ARMH3: variants seen among roughly 807,000 people sequenced by gnomAD.
The protein encoded by ARMH3 is armadillo like helical domain containing 3, also known as armadillo-like helical domain-containing protein 3.
Under a neutral mutation model 99.1 loss-of-function variants are expected in ARMH3, and 60 were observed. That is an observed-to-expected ratio of 0.61 (90% CI 0.49 to 0.75). The LOEUF is 0.75. ARMH3 is among the 30% of genes least tolerant of loss of function. The probability of loss-of-function intolerance (pLI) is 0.00; values close to 1 mark genes in which losing one functional copy is unlikely to be tolerated. For synonymous variants in ARMH3, 285 were observed against 292.8 expected, an observed-to-expected ratio of 0.97 and a Z score of 0.27; for missense variants, 679 against 843.1, an observed-to-expected ratio of 0.81 and a Z score of 2.41.
At chr10:101,879,220 G>T (rs1026138491) in intron 24 of ARMH3, among the ~76,000 whole-genome samples, 1 of 152,172 alleles carries the variant, frequency 6.6e-6, no homozygotes, top group Non-Finnish European at 1.5e-5. Context: ...CTCAGGCTTT[G>T]TAGTCAGACA....
At chr10:101,935,612 G>A (rs932661689) in intron 23 of ARMH3, among the ~76,000 whole-genome samples, 1 of 152,126 alleles carries the variant, frequency 6.6e-6, no homozygotes, top group Non-Finnish European at 1.5e-5. Context: ...ACATAATTTG[G>A]AGCTATTGTC....
At chr10:101,962,614 T>G (rs1040585531) in intron 20 of ARMH3, among the ~76,000 whole-genome samples, 22 of 152,318 alleles carry the variant, frequency 1.4e-4, no homozygotes, top group African/African-American at 5.3e-4. Flanking sequence ...CTCTTAACTA[T>G]CTGATGAAGT....
intron 14 of ARMH3, among the ~76,000 whole-genome samples, chr10:102,002,791 T>A (rs1435865333): frequency 6.6e-6 from 1 of 151,534 alleles, no homozygotes; most frequent in Non-Finnish European, 1.5e-5. Context: ...TGAAACCCCA[T>A]CTCTACTAAA....
intron 20 of ARMH3, among the ~76,000 whole-genome samples, chr10:101,966,605 G>A (rs566425514): frequency 6.6e-6 from 1 of 152,028 alleles, no homozygotes; most frequent in East Asian, 1.9e-4. Context: ...TGAGAATCCT[G>A]CCATCTTACA....
At chr10:102,000,055 T>A (rs1415920412) in intron 15 of ARMH3, among the ~76,000 whole-genome samples, 1 of 152,004 alleles carries the variant, frequency 6.6e-6, no homozygotes, top group East Asian at 1.9e-4. Flanking sequence ...CACTCTAGCC[T>A]AGGCAACAGA....
chr10:102,044,764 T>A (rs1488189348), intron 1 of ARMH3, among the ~76,000 whole-genome samples: 1 of 151,718 alleles, frequency 6.6e-6, no homozygotes, highest in Non-Finnish European at 1.5e-5. Flanking sequence ...GTAAACATCC[T>A]AAAATACTTC....
At chr10:101,919,961 T>C (rs1287061251) in intron 23 of ARMH3, among the ~76,000 whole-genome samples, 1 of 152,218 alleles carries the variant, frequency 6.6e-6, no homozygotes, top group Non-Finnish European at 1.5e-5. Context: ...ATTGCCCTTG[T>C]TGGCTCCCTC....
intron 10 of ARMH3, 84 bp downstream of exon 10, chr10:102,012,749 T>C: frequency 1.5e-6 from 2 of 1,351,768 alleles, no homozygotes; most frequent in Non-Finnish European, 2.1e-6. Context: ...GGTAAGGGAA[T>C]TTGACCCAAG....
rs71016356 is a variant in ARMH3 at position 101,982,021 on chromosome 10, C to CAAA, written c.1407-6724_1407-6722dup. Among the ~76,000 whole-genome samples, 68 of 58,958 alleles carry CAAA rather than the reference C, an allele frequency of 1.2e-3. 1 individual carries two copies. Among genetic ancestry groups the CAAA allele is most frequent in the Non-Finnish European group, 1.5e-3 (52 of 34,290 alleles). The allele number at this position is 58,958 out of a possible 152,430, so 38.7% of individuals were successfully genotyped here. On this transcript the variant is annotated intron_variant, in intron 19 of 25. Coordinates refer to ENST00000370033, the MANE Select transcript of ARMH3 (RefSeq NM_024541.3). ...TGGGCGACAGAGCGAGACTCTATCT[C>CAAA]AAAAAAAAAAAAAAAAAAAAAAACA...
chr10:101,886,583 AATG>A (rs1421528869), intron 24 of ARMH3, among the ~76,000 whole-genome samples: 1 of 152,194 alleles, frequency 6.6e-6, no homozygotes, highest in Non-Finnish European at 1.5e-5. Flanking sequence ...CTTTATCACG[AATG>A]ATGAAGCCAA....
intron 19 of ARMH3, among the ~76,000 whole-genome samples, chr10:101,987,454 G>C (rs1311987902): frequency 9.2e-5 from 14 of 152,124 alleles, no homozygotes; most frequent in Non-Finnish European, 1.5e-5. Flanking sequence ...TCACAGACAT[G>C]ATTAAGAGAA....
intron 24 of ARMH3, among the ~76,000 whole-genome samples, chr10:101,855,302 A>C (rs1408640906): frequency 6.8e-6 from 1 of 147,898 alleles, no homozygotes; most frequent in Non-Finnish European, 1.5e-5. Flanking sequence ...TCCTGACCTC[A>C]GGTGATCCAC....
chr10:101,992,354 G>A (rs558682399), intron 17 of ARMH3, among the ~76,000 whole-genome samples: 51 of 152,090 alleles, frequency 3.4e-4, no homozygotes, highest in African/African-American at 1.2e-3. Flanking sequence ...CATTACTAAC[G>A]ACAAAAGAGG....
intron 1 of ARMH3, among the ~76,000 whole-genome samples, chr10:102,043,114 C>A (rs2067462341): frequency 2.6e-5 from 4 of 152,164 alleles, no homozygotes; most frequent in Non-Finnish European, 4.4e-5. Flanking sequence ...CAGAAAGTTG[C>A]AGCAGATCAG....
intron 16 of ARMH3, 113 bp downstream of exon 16, chr10:101,995,184 C>G: frequency 2.3e-6 from 2 of 883,026 alleles, no homozygotes; most frequent in South Asian, 1.6e-5. Context: ...AAGATTTTCT[C>G]TCCTAAACTT....
chr10:101,861,318 T>G (rs913931879), intron 24 of ARMH3, among the ~76,000 whole-genome samples: 1 of 151,860 alleles, frequency 6.6e-6, no homozygotes, highest in Non-Finnish European at 1.5e-5. Flanking sequence ...GGAAAAAAAA[T>G]AGTTAACTTA....
Position 101,956,659 on chromosome 10 carries a change from T to C in ARMH3, c.1643A>G (p.Tyr548Cys). The C allele has an allele frequency of 3.7e-6, 6 of 1,613,800 alleles. No individual in the cohort carries two copies. The highest frequency in any genetic ancestry group is 5.1e-6 in the Non-Finnish European group (6 of 1,179,724). ...GDTFLPTPSS[Y>C]DELYYEIIRM... The stretch of plus-strand genomic sequence containing the variant: ...GATAATCTCATAGTAAAGTTCATCA[T>C]AGCTGCTGGGGGTTGGCAGAAATGT... Residue 548 changes from tyrosine (Y) to cysteine (C), a missense_variant, in exon 22 of 26, where the codon TAT (tyrosine) becomes TGT (cysteine). This residue lies in a region of ARMH3 where 389 missense variants were observed against 456.5 expected (regional missense o/e 0.85). Coordinates refer to ENST00000370033, the MANE Select transcript of ARMH3 (RefSeq NM_024541.3).
chr10:101,913,323 G>C (rs1185145954), intron 23 of ARMH3: 1 of 146,906 alleles, frequency 6.8e-6, no homozygotes, highest in Admixed American at 6.8e-5. Context: ...TAAAAGGACA[G>C]ACAGAAGGAA....
At chr10:101,925,233 T>C (rs1416080787) in intron 23 of ARMH3, among the ~76,000 whole-genome samples, 1 of 152,192 alleles carries the variant, frequency 6.6e-6, no homozygotes, top group Non-Finnish European at 1.5e-5. Context: ...AATATGTCCA[T>C]ATCATGCGTA....
Sources: allele counts gnomAD v4.1 joint callset (sites outside exome capture counted in the v4.1 genomes callset), GRCh38; gene constraint gnomAD v4.1.1; regional missense constraint gnomAD v4.1.1; transcripts MANE v1.5; gene names NCBI Gene and HGNC (gene_info 2026-07-23, HGNC 2026-07-21).